Variants in SH3RF3 observed in about 807,000 individuals in gnomAD.
SH3RF3 encodes the protein E3 ubiquitin-protein ligase SH3RF3.
SH3RF3 carries 29 observed loss-of-function variants against 66.3 expected under a neutral mutation model. That is an observed-to-expected ratio of 0.44 (90% confidence interval 0.33 to 0.60). The LOEUF (loss-of-function observed/expected upper bound fraction) is 0.60. Ranked by LOEUF, SH3RF3 falls within the 20% of genes least tolerant of loss-of-function variation. The pLI is 0.04. For missense variants in SH3RF3, 1,194 were observed against 1,190.9 expected, an observed-to-expected ratio of 1.00 and a Z score of -0.04; for synonymous variants, 583 against 532.0, an observed-to-expected ratio of 1.10 and a Z score of -1.32.
At chr2:109,275,637 C>G (rs1680738192) in intron 1 of SH3RF3, among the ~76,000 whole-genome samples, 1 of 152,206 alleles carries the variant, frequency 6.6e-6, no homozygotes, top group South Asian at 2.1e-4. Context: ...AACGGTTGCA[C>G]TTCCAAGTTC....
chr2:109,325,331 C>CTTTTTT (rs11298946), intron 1 of SH3RF3, among the ~76,000 whole-genome samples: 5 of 66,254 alleles, frequency 7.5e-5, no homozygotes, highest in South Asian at 7.2e-4. Flanking sequence ...TTCTTTCTTT[C>CTTTTTT]TTTTTTTTTT....
intron 1 of SH3RF3, among the ~76,000 whole-genome samples, chr2:109,347,034 G>A (rs1574588147): frequency 1.3e-5 from 2 of 152,138 alleles, no homozygotes; most frequent in East Asian, 3.9e-4. Context: ...TGTACCGCTG[G>A]CCATGAGTCC....
chr2:109,355,951 C>T (rs7605935), intron 2 of SH3RF3, among the ~76,000 whole-genome samples: 19,785 of 152,112 alleles, frequency 0.13, 1,434 homozygotes, highest in Middle Eastern at 0.24. Context: ...TGAAAAGTTG[C>T]CATTGTTTCC....
intron 1 of SH3RF3, among the ~76,000 whole-genome samples, chr2:109,337,420 G>A (rs1437295485): frequency 2.6e-5 from 4 of 152,186 alleles, no homozygotes; most frequent in Non-Finnish European, 4.4e-5. Context: ...TGTCCTTAGC[G>A]CCTTGCACTG....
intron 3 of SH3RF3, among the ~76,000 whole-genome samples, chr2:109,391,864 G>A (rs1676007033): frequency 6.6e-6 from 1 of 151,980 alleles, no homozygotes; most frequent in South Asian, 2.1e-4. Context: ...AATTAAGACA[G>A]GGTCTTACTC....
chr2:109,358,525 G>A (rs10084409), intron 2 of SH3RF3, among the ~76,000 whole-genome samples: 22 of 152,162 alleles, frequency 1.4e-4, no homozygotes, highest in African/African-American at 5.1e-4. Context: ...AGCCGTGAAT[G>A]AGCGTTCCTG....
At chr2:109,419,389 C>G (rs563682623) in intron 4 of SH3RF3, 150 bp from the exon 5 acceptor site, 6 of 754,030 alleles carry the variant, frequency 8.0e-6, no homozygotes, top group Non-Finnish European at 1.1e-5. Flanking sequence ...CCTCCCATGA[C>G]AGTCCAGGTA....
chr2:109,290,245 G>C (rs1007925820), intron 1 of SH3RF3, among the ~76,000 whole-genome samples: 2 of 152,148 alleles, frequency 1.3e-5, no homozygotes, highest in Admixed American at 6.5e-5. Context: ...CCTTCTCTTT[G>C]TCAGTAAAGA....
At chr2:109,323,870 G>A (rs1363459374) in intron 1 of SH3RF3, among the ~76,000 whole-genome samples, 1 of 152,154 alleles carries the variant, frequency 6.6e-6, no homozygotes, top group Non-Finnish European at 1.5e-5. Context: ...GTAATTTGTA[G>A]TATAGTGACA....
intron 1 of SH3RF3, among the ~76,000 whole-genome samples, chr2:109,329,021 T>C (rs954447827): frequency 6.6e-6 from 1 of 152,194 alleles, no homozygotes; most frequent in Non-Finnish European, 1.5e-5. Context: ...ATTGGCCATG[T>C]GTCCACAGAG....
intron 8 of SH3RF3, among the ~76,000 whole-genome samples, chr2:109,481,546 A>T (rs549025361): frequency 1.3e-5 from 2 of 152,020 alleles, no homozygotes; most frequent in African/African-American, 4.8e-5. Context: ...GTAGATGCGT[A>T]GCTGGCTGTC....
intron 1 of SH3RF3, among the ~76,000 whole-genome samples, chr2:109,267,095 G>A (rs1296869799): frequency 1.3e-5 from 2 of 152,156 alleles, no homozygotes; most frequent in Non-Finnish European, 2.9e-5. Context: ...GAATGCCTCT[G>A]GTCTCTGATG....
intron 4 of SH3RF3, among the ~76,000 whole-genome samples, chr2:109,407,752 A>C (rs1676485168): frequency 6.6e-6 from 1 of 152,238 alleles, no homozygotes; most frequent in African/African-American, 2.4e-5. Context: ...TGAATAAAAA[A>C]AAAATTGCAT....
chr2:109,130,260 C>T (rs1261715743), intron 1 of SH3RF3, 147 bp downstream of exon 1: 8 of 831,518 alleles, frequency 9.6e-6, no homozygotes, highest in African/African-American at 3.6e-5. Context: ...TCCAACTTCG[C>T]TTGCTTGGTG....
chr2:109,483,217 C>T (rs569583966), intron 8 of SH3RF3, among the ~76,000 whole-genome samples: 5 of 152,260 alleles, frequency 3.3e-5, no homozygotes, highest in South Asian at 2.1e-4. Context: ...GGAAAATTTC[C>T]GAACATAAAA....
chr2:109,470,994 C>G (rs1678488217), intron 8 of SH3RF3, among the ~76,000 whole-genome samples: 1 of 152,030 alleles, frequency 6.6e-6, no homozygotes, highest in South Asian at 2.1e-4. Flanking sequence ...CCGAGGAGGG[C>G]AGATCACTTG....
intron 4 of SH3RF3, among the ~76,000 whole-genome samples, chr2:109,416,630 G>T (rs560335974): frequency 1.3e-5 from 2 of 151,532 alleles, no homozygotes; most frequent in African/African-American, 2.4e-5. Flanking sequence ...TGATCTGCCC[G>T]CCTCAGCCTC....
intron 1 of SH3RF3, among the ~76,000 whole-genome samples, chr2:109,223,820 G>A (rs555231525): frequency 6.6e-6 from 1 of 152,348 alleles, no homozygotes; most frequent in East Asian, 1.9e-4. Context: ...TGTTTGTGCA[G>A]AAAGTGAAAT....
chr2:109,209,139 G>A (rs532160413), intron 1 of SH3RF3, among the ~76,000 whole-genome samples: 1 of 152,326 alleles, frequency 6.6e-6, no homozygotes, highest in African/African-American at 2.4e-5. Context: ...TGGGAAGTGG[G>A]TCCAAACCCT....
Sources: allele counts gnomAD v4.1 joint callset (sites outside exome capture counted in the v4.1 genomes callset), GRCh38; gene constraint gnomAD v4.1.1; transcripts MANE v1.5; gene names NCBI Gene and HGNC (gene_info 2026-07-23, HGNC 2026-07-21).